RBFOX1: variants seen among roughly 807,000 people sequenced by gnomAD.
The protein encoded by RBFOX1 is RNA binding protein fox-1 homolog 1.
In RBFOX1, 8 loss-of-function variants were observed where a neutral mutation model predicts 57.7. That is an observed-to-expected ratio of 0.14 (90% CI 0.08 to 0.25). The LOEUF (loss-of-function observed/expected upper bound fraction) is 0.25, where lower values mean the gene tolerates loss of function less well. RBFOX1 is among the 10% of genes least tolerant of loss of function. The pLI is 1.00. For synonymous variants in RBFOX1, 326 were observed against 222.4 expected, an observed-to-expected ratio of 1.47 and a Z score of -4.15; for missense variants, 611 against 548.5, an observed-to-expected ratio of 1.11 and a Z score of -1.14.
chr16:6,900,871 G>A (rs756692213), intron 3 of RBFOX1, among the ~76,000 whole-genome samples: 1 of 152,134 alleles, frequency 6.6e-6, no homozygotes, highest in Non-Finnish European at 1.5e-5. Flanking sequence ...ATGAATGCAG[G>A]GAGCTACATA....
chr16:6,376,875 C>T (rs1350548309), intron 2 of RBFOX1, among the ~76,000 whole-genome samples: 5 of 152,232 alleles, frequency 3.3e-5, no homozygotes, highest in African/African-American at 7.2e-5. Flanking sequence ...AGGGATCTGG[C>T]GGCCCTCAGC....
At chr16:7,541,328 G>A (rs1411774192) in intron 5 of RBFOX1, among the ~76,000 whole-genome samples, 1 of 152,154 alleles carries the variant, frequency 6.6e-6, no homozygotes, top group Non-Finnish European at 1.5e-5. Context: ...TGAGGCAAAG[G>A]ACCAGCTCCA....
At chr16:7,678,398 T>C (rs2073929850) in intron 14 of RBFOX1, among the ~76,000 whole-genome samples, 1 of 152,204 alleles carries the variant, frequency 6.6e-6, no homozygotes, top group Non-Finnish European at 1.5e-5. Flanking sequence ...AGGCCTAATG[T>C]TATTAAATTC....
At chr16:6,361,141 G>A (rs1220834051) in intron 2 of RBFOX1, among the ~76,000 whole-genome samples, 3 of 152,024 alleles carry the variant, frequency 2.0e-5, no homozygotes, top group East Asian at 1.9e-4. Context: ...GCAAAGTAAC[G>A]AATGTCATGT....
intron 3 of RBFOX1, among the ~76,000 whole-genome samples, chr16:6,679,285 T>G (rs534504272): frequency 1.3e-5 from 2 of 152,132 alleles, no homozygotes; most frequent in African/African-American, 4.8e-5. Flanking sequence ...AGAAAAATAA[T>G]AAGCTAATCA....
At chr16:6,949,276 C>G (rs373025431) in intron 3 of RBFOX1, among the ~76,000 whole-genome samples, 16 of 152,096 alleles carry the variant, frequency 1.1e-4, no homozygotes, top group East Asian at 5.8e-4. Flanking sequence ...TTTCACAAAA[C>G]AAACCCATAA....
chr16:5,548,311 T>C (rs75479335), intron 2 of RBFOX1, among the ~76,000 whole-genome samples: 2,547 of 150,736 alleles, frequency 0.017, 31 homozygotes, highest in Middle Eastern at 0.048. Context: ...TCATTTGTAC[T>C]GCAAACTTCA....
intron 1 of RBFOX1, among the ~76,000 whole-genome samples, chr16:5,296,665 T>C (rs1365705996): frequency 6.6e-6 from 1 of 151,960 alleles, no homozygotes; most frequent in Non-Finnish European, 1.5e-5. Flanking sequence ...ACCACCATTT[T>C]TTTTTCTCTG....
chr16:6,484,107 T>G (rs981255569), intron 2 of RBFOX1, among the ~76,000 whole-genome samples: 2 of 152,178 alleles, frequency 1.3e-5, no homozygotes, highest in Non-Finnish European at 2.9e-5. Context: ...CCAATGCTCA[T>G]TGGCTCCGTT....
intron 14 of RBFOX1, among the ~76,000 whole-genome samples, chr16:7,697,724 C>T (rs1026670869): frequency 6.6e-6 from 1 of 152,134 alleles, no homozygotes; most frequent in Admixed American, 6.5e-5. Context: ...TGCCTCCACA[C>T]ACACCTTTTT....
chr16:7,243,274 G>C (rs2094149119), intron 4 of RBFOX1, among the ~76,000 whole-genome samples: 1 of 151,992 alleles, frequency 6.6e-6, no homozygotes, highest in Admixed American at 6.6e-5. Context: ...CAGCCTATAG[G>C]CGTGGTCAGG....
At chr16:5,539,247 T>A (rs1262780367) in intron 2 of RBFOX1, among the ~76,000 whole-genome samples, 1 of 152,118 alleles carries the variant, frequency 6.6e-6, no homozygotes, top group African/African-American at 2.4e-5. Context: ...TTCACAGGAA[T>A]GCAGGAGAAT....
At chr16:6,487,936 G>A (rs1350548685) in intron 2 of RBFOX1, among the ~76,000 whole-genome samples, 2 of 151,364 alleles carry the variant, frequency 1.3e-5, no homozygotes, top group Non-Finnish European at 2.9e-5. Context: ...GTAGTTTTTG[G>A]TTTGTTCGTT....
At chr16:6,912,242 G>C (rs1027560208) in intron 3 of RBFOX1, among the ~76,000 whole-genome samples, 4 of 152,154 alleles carry the variant, frequency 2.6e-5, no homozygotes, top group Admixed American at 6.5e-5. Flanking sequence ...TTGAGGGTAC[G>C]TCAGAAGCAC....
At chr16:5,490,160 C>G (rs973366315) in intron 2 of RBFOX1, among the ~76,000 whole-genome samples, 1 of 152,216 alleles carries the variant, frequency 6.6e-6, no homozygotes, top group Non-Finnish European at 1.5e-5. Flanking sequence ...CTTTCTGTGG[C>G]CACGCAGTGA....
At chr16:5,469,384 G>A (rs1339100933) in intron 2 of RBFOX1, among the ~76,000 whole-genome samples, 1 of 152,204 alleles carries the variant, frequency 6.6e-6, no homozygotes, top group Admixed American at 6.5e-5. Context: ...GTTTGTTGTG[G>A]TGGGGGAGCA....
chr16:6,904,401 G>T (rs1351485616), intron 3 of RBFOX1, among the ~76,000 whole-genome samples: 9 of 151,802 alleles, frequency 5.9e-5, no homozygotes, highest in Admixed American at 5.9e-4. Context: ...AGGAGTTTGA[G>T]ACCAGTCTGG....
intron 4 of RBFOX1, among the ~76,000 whole-genome samples, chr16:7,466,603 G>C (rs1172190739): frequency 6.6e-6 from 1 of 152,276 alleles, no homozygotes; most frequent in East Asian, 1.9e-4. Context: ...CATTGATCTG[G>C]ATCCCAGCTC....
At chr16:7,160,393 T>C (rs2078060658) in intron 4 of RBFOX1, among the ~76,000 whole-genome samples, 1 of 152,124 alleles carries the variant, frequency 6.6e-6, no homozygotes, top group African/African-American at 2.4e-5. Flanking sequence ...TCTTCTGTAC[T>C]TTTCATCTTC....
Sources: gnomAD v4.1 joint callset for allele counts (sites outside exome capture counted in the v4.1 genomes callset) on GRCh38, gnomAD v4.1.1 for gene constraint, MANE v1.5 for transcripts, NCBI Gene and HGNC (gene_info 2026-07-23, HGNC 2026-07-21) for gene names.